Variants in VPS54 observed in about 807,000 individuals in gnomAD.
VPS54 encodes vacuolar protein sorting-associated protein 54.
A neutral mutation model predicts 121.5 loss-of-function variants in VPS54; 45 were observed. That is an observed-to-expected ratio of 0.37 (90% confidence interval 0.29 to 0.47). The LOEUF (loss-of-function observed/expected upper bound fraction) is 0.47. Ranked by LOEUF, VPS54 falls within the 20% of genes least tolerant of loss-of-function variation. The pLI is 0.99. For missense variants in VPS54, 1,090 were observed against 1,131.4 expected (o/e 0.96, Z 0.52); for synonymous variants, 371 against 385.8 (o/e 0.96, Z 0.45).
At chr2:63,976,384 CAAG>C (rs977911332) in intron 3 of VPS54, among the ~76,000 whole-genome samples, 5 of 150,608 alleles carry the variant, frequency 3.3e-5, no homozygotes, top group African/African-American at 1.2e-4. Flanking sequence ...AAAAAACACA[CAAG>C]AGGTCTAAAG....
intron 1 of VPS54, among the ~76,000 whole-genome samples, chr2:63,996,731 A>C (rs1264765154): frequency 1.3e-5 from 2 of 152,288 alleles, no homozygotes; most frequent in East Asian, 3.9e-4. Context: ...TGTCTGCCTT[A>C]TGCAGTTGTA....
chr2:63,991,452 C>T (rs1559044407), intron 1 of VPS54, among the ~76,000 whole-genome samples: 1 of 152,308 alleles, frequency 6.6e-6, no homozygotes, highest in East Asian at 1.9e-4. Flanking sequence ...ACCCACAAAG[C>T]TATTCTGTGG....
In VPS54 at chr2:63,943,357, C is replaced by T. The variant is rs558184919; in HGVS notation, c.1302-796G>A. Among the ~76,000 whole-genome samples the T allele has an allele frequency of 2.0e-5, 3 of 152,294 alleles. No individual in the cohort carries two copies. The South Asian group carries it at 6.2e-4, about 32-fold the overall frequency. On this transcript the variant is annotated intron_variant, in intron 10 of 22. Coordinates refer to ENST00000272322, the MANE Select transcript of VPS54 (RefSeq NM_016516.3). Reference sequence around the variant, plus strand: ...AAAAGATACTACAACACTTGATATACAGGAAGTTCTCTACTTCTATGGAGA... The same window carrying T: ...AAAAGATACTACAACACTTGATATATAGGAAGTTCTCTACTTCTATGGAGA...
At chr2:63,977,994 C>G (rs1035413859) in intron 3 of VPS54, among the ~76,000 whole-genome samples, 1 of 152,170 alleles carries the variant, frequency 6.6e-6, no homozygotes, top group Admixed American at 6.5e-5. Context: ...GTAGTCCTTT[C>G]CGTTGTATTC....
intron 5 of VPS54, among the ~76,000 whole-genome samples, chr2:63,966,911 C>A (rs1676027768): frequency 6.6e-6 from 1 of 152,198 alleles, no homozygotes; most frequent in African/African-American, 2.4e-5. Flanking sequence ...TTTTCTTGTA[C>A]ATCTTCCTGA....
At chr2:63,907,307 T>C (rs1180823106) in intron 20 of VPS54, among the ~76,000 whole-genome samples, 11 of 151,790 alleles carry the variant, frequency 7.2e-5, no homozygotes, top group Non-Finnish European at 1.0e-4. Flanking sequence ...TCACCTGAGG[T>C]CGGGAGTTTG....
chr2:63,983,785 T>C, intron 2 of VPS54, 79 bp downstream of exon 2: 11 of 1,479,066 alleles, frequency 7.4e-6, no homozygotes, highest in South Asian at 2.8e-5. Context: ...TCTTCTAACG[T>C]TGGTATATAA....
intron 12 of VPS54, among the ~76,000 whole-genome samples, chr2:63,929,317 C>T (rs1192302168): frequency 3.3e-5 from 5 of 152,164 alleles, no homozygotes; most frequent in African/African-American, 1.2e-4. Context: ...CAAACTGTCT[C>T]TCAGACCACA....
chr2:63,959,109 T>C (rs1675633844), intron 7 of VPS54, among the ~76,000 whole-genome samples: 1 of 152,212 alleles, frequency 6.6e-6, no homozygotes. Context: ...CTAATTCTTA[T>C]GCTTCTAAAT....
At chr2:63,910,641 T>G (rs945578334) in intron 20 of VPS54, among the ~76,000 whole-genome samples, 2 of 152,160 alleles carry the variant, frequency 1.3e-5, no homozygotes, top group Non-Finnish European at 2.9e-5. Flanking sequence ...TGCCTCAAAT[T>G]TATTATAAAA....
chr2:63,977,191 T>C (rs796530208), intron 3 of VPS54, among the ~76,000 whole-genome samples: 74 of 152,330 alleles, frequency 4.9e-4, no homozygotes, highest in African/African-American at 1.8e-3. Flanking sequence ...GAACCAGCTT[T>C]TGCTTTTGTT....
intron 20 of VPS54, among the ~76,000 whole-genome samples, chr2:63,909,834 C>G (rs1046960727): frequency 6.6e-6 from 1 of 150,834 alleles, no homozygotes; most frequent in African/African-American, 2.4e-5. Context: ...AAGCAACTCT[C>G]CTGCCTCAGC....
At chr2:63,965,346 C>T (rs1476955737) in intron 6 of VPS54, among the ~76,000 whole-genome samples, 5 of 151,956 alleles carry the variant, frequency 3.3e-5, no homozygotes, top group Admixed American at 1.3e-4. Context: ...CATGGTGGCA[C>T]GCACCTGTAG....
intron 20 of VPS54, among the ~76,000 whole-genome samples, chr2:63,905,167 C>CA (rs1423537505): frequency 1.3e-5 from 2 of 151,846 alleles, no homozygotes; most frequent in African/African-American, 4.8e-5. Flanking sequence ...AAATTAAATC[C>CA]AAAGCAAGTT....
chr2:63,998,295 G>C (rs1199108751), intron 1 of VPS54, among the ~76,000 whole-genome samples: 1 of 152,044 alleles, frequency 6.6e-6, no homozygotes, highest in Non-Finnish European at 1.5e-5. Context: ...GTCTGTGTGT[G>C]TCTTTATAGG....
At chr2:64,011,347 C>A (rs1475310016) in intron 1 of VPS54, among the ~76,000 whole-genome samples, 2 of 152,058 alleles carry the variant, frequency 1.3e-5, no homozygotes, top group African/African-American at 4.8e-5. Context: ...GCAGGCAGGT[C>A]ACAAGGACAG....
chr2:63,913,681 G>A (rs1673252859), intron 17 of VPS54: 1 of 279,966 alleles, frequency 3.6e-6, no homozygotes, highest in Non-Finnish European at 5.6e-6. Context: ...ATAATTAACA[G>A]ATTAGAGGTT....
intron 5 of VPS54, among the ~76,000 whole-genome samples, chr2:63,966,514 C>T (rs1676010979): frequency 6.6e-6 from 1 of 152,154 alleles, no homozygotes; most frequent in Admixed American, 6.5e-5. Context: ...TGTAAATATA[C>T]CTTGAATCTC....
intron 1 of VPS54, among the ~76,000 whole-genome samples, chr2:64,009,241 T>C (rs886693993): frequency 3.3e-5 from 5 of 152,252 alleles, no homozygotes; most frequent in African/African-American, 9.6e-5. Flanking sequence ...TATTGAATGA[T>C]AGAAATAATT....
Sources: gnomAD v4.1 joint callset for allele counts (sites outside exome capture counted in the v4.1 genomes callset) on GRCh38, gnomAD v4.1.1 for gene constraint, MANE v1.5 for transcripts, NCBI Gene and HGNC (gene_info 2026-07-23, HGNC 2026-07-21) for gene names.